Variants in NALF1 observed in about 807,000 individuals in gnomAD.
The protein encoded by NALF1 is family with sequence similarity 155 member A.
In NALF1, 3 loss-of-function variants were observed where a neutral mutation model predicts 48.4. The ratio of observed to expected loss-of-function variants is 0.06; its 90% CI spans 0.03 to 0.16. NALF1 has a LOEUF of 0.16. NALF1 is among the 10% of genes least tolerant of loss of function. The pLI is 1.00. For synonymous variants in NALF1, 262 were observed against 245.7 expected (o/e 1.07, Z -0.62); for missense variants, 526 against 571.5 (o/e 0.92, Z 0.81).
rs116775940 is a variant in NALF1 at position 107,224,284 on chromosome 13, T to C, written c.916-13529A>G. Among the ~76,000 whole-genome samples the C allele has an allele frequency of 3.1e-3, 464 of 151,822 alleles. 4 individuals are homozygous for C. The highest frequency in any genetic ancestry group is 0.011 in the African/African-American group (446 of 41,490). On this transcript the variant is annotated intron_variant, in intron 1 of 2. Transcript: ENST00000375915. ...AAAAATCAAATTAATAAAGCACATA[T>C]ATCATGATGCAAAACATGTAATAAA... is the stretch of plus-strand genomic sequence containing the variant.
chr13:107,510,756 G>A (rs557899045), intron 1 of NALF1, among the ~76,000 whole-genome samples: 2 of 152,228 alleles, frequency 1.3e-5, no homozygotes, highest in South Asian at 4.1e-4. Flanking sequence ...GATGGACCAC[G>A]AGCTCTGCAT....
chr13:107,745,365 A>G (rs1876754949), intron 1 of NALF1, among the ~76,000 whole-genome samples: 2 of 152,084 alleles, frequency 1.3e-5, no homozygotes, highest in Non-Finnish European at 2.9e-5. Context: ...AATTATAGAC[A>G]CCCCCTAGCT....
chr13:107,328,312 ACAC>A (rs1361658171), intron 1 of NALF1, among the ~76,000 whole-genome samples: 4 of 138,108 alleles, frequency 2.9e-5, no homozygotes, highest in Non-Finnish European at 6.4e-5. Flanking sequence ...ACACACACAC[ACAC>A]TTTTGTTTGG....
intron 1 of NALF1, among the ~76,000 whole-genome samples, chr13:107,386,111 C>T (rs1883526447): frequency 2.0e-5 from 3 of 152,144 alleles, no homozygotes; most frequent in Admixed American, 6.6e-5. Flanking sequence ...CTATAGAATA[C>T]AAGATTATCT....
chr13:107,267,531 C>T (rs1881066603), intron 1 of NALF1, among the ~76,000 whole-genome samples: 1 of 151,876 alleles, frequency 6.6e-6, no homozygotes, highest in African/African-American at 2.4e-5. Context: ...CAGTAGAGAC[C>T]CTGTCTATGC....
intron 1 of NALF1, among the ~76,000 whole-genome samples, chr13:107,714,913 T>A (rs528541617): frequency 6.6e-6 from 1 of 152,262 alleles, no homozygotes; most frequent in Non-Finnish European, 1.5e-5. Flanking sequence ...AATGTGGATA[T>A]TAACAATGAG....
chr13:107,443,469 G>A (rs934706134), intron 1 of NALF1, among the ~76,000 whole-genome samples: 4 of 152,012 alleles, frequency 2.6e-5, no homozygotes, highest in African/African-American at 7.3e-5. Flanking sequence ...CACCCACCTC[G>A]GCCTCCCATA....
intron 1 of NALF1, among the ~76,000 whole-genome samples, chr13:107,725,459 A>G (rs1369056104): frequency 5.3e-5 from 8 of 152,314 alleles, no homozygotes; most frequent in African/African-American, 1.9e-4. Context: ...TGTAATCCCA[A>G]CACTTTGGGA....
At chr13:107,429,725 C>G (rs756795109) in intron 1 of NALF1, among the ~76,000 whole-genome samples, 4 of 150,012 alleles carry the variant, frequency 2.7e-5, no homozygotes, top group Non-Finnish European at 5.9e-5. Flanking sequence ...GAATCAAAAT[C>G]CAAAGTAATC....
intron 1 of NALF1, among the ~76,000 whole-genome samples, chr13:107,490,860 A>G (rs1445896506): frequency 2.0e-5 from 3 of 152,138 alleles, no homozygotes; most frequent in Middle Eastern, 3.2e-3. Context: ...TATTTAATCA[A>G]TTTCACTAAA....
chr13:107,373,966 A>G (rs545640987), intron 1 of NALF1, among the ~76,000 whole-genome samples: 2 of 152,252 alleles, frequency 1.3e-5, no homozygotes, highest in Non-Finnish European at 2.9e-5. Flanking sequence ...CTTAAAATGG[A>G]ACATAGTTTT....
At chr13:107,820,465 A>G (rs1028534174) in intron 1 of NALF1, among the ~76,000 whole-genome samples, 162 of 152,320 alleles carry the variant, frequency 1.1e-3, no homozygotes, top group Non-Finnish European at 5.6e-4. Flanking sequence ...ACATAAGCAG[A>G]CTGAAATTGC....
At chr13:107,791,161 G>T (rs1312606914) in intron 1 of NALF1, among the ~76,000 whole-genome samples, 1 of 152,108 alleles carries the variant, frequency 6.6e-6, no homozygotes. Flanking sequence ...TGCAACTACA[G>T]TATGATTGGT....
At chr13:107,838,398 T>G (rs940011915) in intron 1 of NALF1, among the ~76,000 whole-genome samples, 8 of 152,190 alleles carry the variant, frequency 5.3e-5, no homozygotes, top group Non-Finnish European at 1.0e-4. Flanking sequence ...GTGTTTTGAT[T>G]TTTCCTTTTC....
Position 107,783,032 on chromosome 13 carries a change from G to A in NALF1, c.915+82650C>T, listed in dbSNP as rs1354044098. On this transcript the variant is annotated intron_variant, in intron 1 of 2. Coordinates refer to ENST00000375915, the MANE Select transcript of NALF1 (RefSeq NM_001080396.3). ...GAGGGAGGTGGGGGGTCAGCCCCCCGCCCGGCCAGCCGCCCCGACCGGGAG... is the reference window on the plus strand; with the variant it reads ...GAGGGAGGTGGGGGGTCAGCCCCCCACCCGGCCAGCCGCCCCGACCGGGAG... Among the ~76,000 whole-genome samples, 12 of 135,952 alleles carry A rather than the reference G, an allele frequency of 8.8e-5. No individual in the cohort carries two copies. In the South Asian group the frequency reaches 9.7e-4, roughly 11 times the overall value. The allele number at this position is 135,952 out of a possible 152,430, so 89.2% of individuals were successfully genotyped here.
intron 1 of NALF1, among the ~76,000 whole-genome samples, chr13:107,524,108 T>G (rs1324397434): frequency 6.6e-6 from 1 of 152,170 alleles, no homozygotes; most frequent in Non-Finnish European, 1.5e-5. Flanking sequence ...AGTGCTATTA[T>G]GGGGTCAAAG....
At chr13:107,358,572 G>A (rs1883005007) in intron 1 of NALF1, among the ~76,000 whole-genome samples, 1 of 152,118 alleles carries the variant, frequency 6.6e-6, no homozygotes. Flanking sequence ...TGTAAGACGG[G>A]TTAAAGAAGA....
intron 1 of NALF1, among the ~76,000 whole-genome samples, chr13:107,387,019 A>G (rs770209450): frequency 6.6e-6 from 1 of 152,198 alleles, no homozygotes; most frequent in Non-Finnish European, 1.5e-5. Context: ...AAAAATGAAA[A>G]GCAACAACAA....
chr13:107,323,955 G>A (rs1388900415), intron 1 of NALF1, among the ~76,000 whole-genome samples: 2 of 152,084 alleles, frequency 1.3e-5, no homozygotes, highest in Non-Finnish European at 2.9e-5. Flanking sequence ...ATGAATAATT[G>A]AAAAATTAGC....
Sources: gnomAD v4.1 joint callset for allele counts (sites outside exome capture counted in the v4.1 genomes callset) on GRCh38, gnomAD v4.1.1 for gene constraint, MANE v1.5 for transcripts, NCBI Gene and HGNC (gene_info 2026-07-23, HGNC 2026-07-21) for gene names.